Variants in DDR2 observed in about 807,000 individuals in gnomAD.
The protein encoded by DDR2 is discoidin domain-containing receptor 2.
DDR2 carries 27 observed loss-of-function variants against 94.9 expected under a neutral mutation model. That is an observed-to-expected ratio of 0.28 (90% confidence interval 0.21 to 0.39). The LOEUF is 0.39. DDR2 is among the 10% of genes least tolerant of loss of function. DDR2 has a pLI of 1.00. For synonymous variants in DDR2, 382 were observed against 377.2 expected (o/e 1.01, Z -0.15); for missense variants, 783 against 1,076.0 (o/e 0.73, Z 3.81).
intron 2 of DDR2, among the ~76,000 whole-genome samples, chr1:162,687,389 AT>A (rs1386843558): frequency 1.3e-5 from 2 of 152,210 alleles, no homozygotes; most frequent in Non-Finnish European, 2.9e-5. Context: ...TTCCATGCTC[AT>A]TATATGGACT....
At chr1:162,710,106 ATCT>A (rs1351069173) in intron 2 of DDR2, among the ~76,000 whole-genome samples, 1 of 152,212 alleles carries the variant, frequency 6.6e-6, no homozygotes, top group African/African-American at 2.4e-5. Context: ...GTGACTCAAC[ATCT>A]TCTTGTCTTC....
At chr1:162,735,023 T>A (rs1314936080) in intron 3 of DDR2, among the ~76,000 whole-genome samples, 2 of 152,094 alleles carry the variant, frequency 1.3e-5, no homozygotes, top group Non-Finnish European at 1.5e-5. Context: ...GAGAAACAGC[T>A]GGACTCAACT....
intron 2 of DDR2, among the ~76,000 whole-genome samples, chr1:162,658,038 G>A (rs1313816551): frequency 6.6e-6 from 1 of 152,030 alleles, no homozygotes; most frequent in African/African-American, 2.4e-5. Context: ...TCACTGGAGG[G>A]CAGCTCAAAA....
At chr1:162,772,996 A>G (rs1647308800) in intron 13 of DDR2, among the ~76,000 whole-genome samples, 1 of 152,200 alleles carries the variant, frequency 6.6e-6, no homozygotes, top group Non-Finnish European at 1.5e-5. Flanking sequence ...ATGGTGTGAC[A>G]TGTACTCATT....
At chr1:162,716,937 C>T (rs559264617) in intron 2 of DDR2, among the ~76,000 whole-genome samples, 2 of 152,226 alleles carry the variant, frequency 1.3e-5, no homozygotes, top group South Asian at 4.1e-4. Flanking sequence ...AATTTCTTCT[C>T]TCTTTATAAT....
At chr1:162,707,113 C>T (rs1448479413) in intron 2 of DDR2, among the ~76,000 whole-genome samples, 1 of 152,144 alleles carries the variant, frequency 6.6e-6, no homozygotes, top group Non-Finnish European at 1.5e-5. Flanking sequence ...GGGCCATATT[C>T]TTCCTAGGTA....
intron 2 of DDR2, among the ~76,000 whole-genome samples, chr1:162,677,200 C>T (rs1033277786): frequency 6.6e-6 from 1 of 152,080 alleles, no homozygotes. Context: ...TTTTGCTTTC[C>T]TCAAACTATT....
intron 3 of DDR2, among the ~76,000 whole-genome samples, chr1:162,739,458 CA>C (rs1338242093): frequency 1.3e-5 from 2 of 152,138 alleles, no homozygotes; most frequent in Non-Finnish European, 2.9e-5. Flanking sequence ...ATGGGCACAC[CA>C]CCATGCCTGG....
intron 3 of DDR2, among the ~76,000 whole-genome samples, chr1:162,726,764 G>T (rs1307290062): frequency 6.6e-6 from 1 of 152,112 alleles, no homozygotes; most frequent in East Asian, 1.9e-4. Flanking sequence ...AGAGTCTACA[G>T]AAGAACAACA....
At chr1:162,683,214 G>A (rs1279014929) in intron 2 of DDR2, among the ~76,000 whole-genome samples, 1 of 152,042 alleles carries the variant, frequency 6.6e-6, no homozygotes, top group South Asian at 2.1e-4. Flanking sequence ...AAAGTTTACA[G>A]CTAACATCAT....
intron 1 of DDR2, among the ~76,000 whole-genome samples, chr1:162,653,513 G>T (rs61811282): frequency 1.1e-4 from 17 of 152,002 alleles, no homozygotes; most frequent in African/African-American, 4.1e-4. Flanking sequence ...AGAGGCGGAG[G>T]TTGCAGTGGC....
intron 2 of DDR2, among the ~76,000 whole-genome samples, chr1:162,656,372 A>G (rs2101910608): frequency 6.6e-6 from 1 of 152,220 alleles, no homozygotes; most frequent in East Asian, 1.9e-4. Flanking sequence ...CTAAAGTGGT[A>G]TTTTCTTACA....
intron 10 of DDR2, among the ~76,000 whole-genome samples, chr1:162,767,025 T>C (rs1348119116): frequency 2.2e-5 from 1 of 44,728 alleles, no homozygotes; most frequent in Non-Finnish European, 4.9e-5. Context: ...CAAGACTCTA[T>C]CTCAGGAAAA....
intron 2 of DDR2, among the ~76,000 whole-genome samples, chr1:162,685,434 A>G (rs1385619656): frequency 1.3e-5 from 2 of 152,218 alleles, no homozygotes; most frequent in Non-Finnish European, 2.9e-5. Context: ...TTCTGAGAAG[A>G]GTCAGCAGAG....
intron 3 of DDR2, among the ~76,000 whole-genome samples, chr1:162,719,834 T>G (rs192031664): frequency 4.6e-4 from 70 of 152,280 alleles, no homozygotes; most frequent in African/African-American, 1.6e-3. Context: ...CTGTGTTGAT[T>G]TACTCAAGCA....
In DDR2 at chr1:162,770,472, A is replaced by G. The variant is rs199526949; in HGVS notation, c.1464A>G (p.Ile488Met). ...ACTACCAGGAGCCATCCAGGCTGATACGAAAACTCCCAGAATTTGCTCCAG... is the reference window on the plus strand; with the variant it reads ...ACTACCAGGAGCCATCCAGGCTGATGCGAAAACTCCCAGAATTTGCTCCAG... ...RPDYQEPSRL[I>M]RKLPEFAPGE... Residue 488 changes from isoleucine to methionine, a missense_variant, in exon 12 of 18, where the codon ATA becomes ATG. This residue lies in a region of DDR2 where 519 missense variants were observed against 647.9 expected (regional missense o/e 0.80). Coordinates refer to ENST00000367921, the MANE Select transcript of DDR2 (RefSeq NM_006182.4). 6.1e-5 allele frequency: 99 copies of G among 1,614,122 alleles called. 1 individual carries two copies. The Admixed American group carries it at 8.3e-4, about 14-fold the overall frequency.
At chr1:162,639,044 C>T (rs1195059310) in intron 1 of DDR2, among the ~76,000 whole-genome samples, 1 of 151,908 alleles carries the variant, frequency 6.6e-6, no homozygotes, top group Non-Finnish European at 1.5e-5. Flanking sequence ...CGGCTCAGTG[C>T]AACCTCCACC....
chr1:162,731,961 T>G (rs1334792194), intron 3 of DDR2, among the ~76,000 whole-genome samples: 1 of 152,202 alleles, frequency 6.6e-6, no homozygotes, highest in Non-Finnish European at 1.5e-5. Flanking sequence ...TCAGCTTACC[T>G]TCTTGTTGGG....
At position 162,784,606 on chromosome 1, in the gene DDR2, G is replaced by A. The variant is rs920949427; in HGVS notation, c.*4360G>A. 6 of 152,138 alleles carry A rather than the reference G, an allele frequency of 3.9e-5. No homozygotes were observed. The highest frequency in any genetic ancestry group is 9.7e-5 in the African/African-American group (4 of 41,418). The allele number at this position is 152,138 out of a possible 1,614,324, so 9.4% of individuals were successfully genotyped here. A position where few individuals can be genotyped will look rare whatever the true frequency, so the allele number is the denominator to read the frequency against. On this transcript the variant is annotated 3_prime_UTR_variant, in exon 18 of 18. Transcript: ENST00000367921. The stretch of plus-strand genomic sequence containing the variant: ...AGGAAAGAGACTGGAGTGGTTAATG[G>A]TGATTTGATTTCTGGCATTCTGAGT...
Sources: allele counts gnomAD v4.1 joint callset (sites outside exome capture counted in the v4.1 genomes callset), GRCh38; gene constraint gnomAD v4.1.1; regional missense constraint gnomAD v4.1.1; transcripts MANE v1.5; gene names NCBI Gene and HGNC (gene_info 2026-07-23, HGNC 2026-07-21).